Variants in NR3C1 observed in about 807,000 individuals in gnomAD.
The protein encoded by NR3C1 is glucocorticoid receptor.
In NR3C1, 14 loss-of-function variants were observed where a neutral mutation model predicts 74.0. The observed-to-expected ratio is 0.19, with a 90% CI of 0.12 to 0.30. The LOEUF (loss-of-function observed/expected upper bound fraction) is 0.30. NR3C1 is among the 10% of genes least tolerant of loss of function. The pLI is 1.00. For missense variants in NR3C1, 695 were observed against 909.8 expected (o/e 0.76, Z 3.04); for synonymous variants, 308 against 332.5 (o/e 0.93, Z 0.80).
chr5:143,329,942 A>T (rs1162162613), intron 2 of NR3C1, among the ~76,000 whole-genome samples: 1 of 152,216 alleles, frequency 6.6e-6, no homozygotes, highest in Non-Finnish European at 1.5e-5. Flanking sequence ...GGTGCTGCAT[A>T]TAATGTATAT....
At chr5:143,288,068 T>A (rs1814910942) in intron 7 of NR3C1, among the ~76,000 whole-genome samples, 1 of 152,034 alleles carries the variant, frequency 6.6e-6, no homozygotes, top group African/African-American at 2.4e-5. Flanking sequence ...GATTTGATGG[T>A]CTCCCCACTC....
At chr5:143,335,305 G>T (rs1335866555) in intron 2 of NR3C1, among the ~76,000 whole-genome samples, 1 of 152,106 alleles carries the variant, frequency 6.6e-6, no homozygotes, top group Non-Finnish European at 1.5e-5. Context: ...TAACCATAAA[G>T]CCCAACTCAT....
At chr5:143,346,188 A>G (rs369970009) in intron 2 of NR3C1, among the ~76,000 whole-genome samples, 4 of 152,378 alleles carry the variant, frequency 2.6e-5, no homozygotes, top group African/African-American at 9.6e-5. Flanking sequence ...TTGAGATGAT[A>G]TCTACTTGCT....
chr5:143,332,800 T>C lies in NR3C1; in HGVS notation c.1185-18632A>G. On this transcript the variant is annotated intron_variant, in intron 2 of 8. Coordinates refer to ENST00000394464, the MANE Select transcript of NR3C1 (RefSeq NM_000176.3). Reference sequence around the variant, plus strand: ...ATCGAAAGGATTGATGGCGTGAGTTTACGGGTGCAGAGAACCACTGCAAGA... The same window carrying C: ...ATCGAAAGGATTGATGGCGTGAGTTCACGGGTGCAGAGAACCACTGCAAGA... The C allele has an allele frequency of 3.9e-6, 6 of 1,536,568 alleles. No individual in the cohort carries two copies. In the South Asian group the frequency reaches 6.7e-5, roughly 17 times the overall value.
intron 2 of NR3C1, among the ~76,000 whole-genome samples, chr5:143,345,994 G>A (rs908065558): frequency 3.3e-5 from 5 of 152,270 alleles, no homozygotes; most frequent in African/African-American, 9.6e-5. Context: ...AGAGCTTACT[G>A]TATGTGGATC....
chr5:143,420,724 C>T (rs6894830), intron 1 of NR3C1, among the ~76,000 whole-genome samples: 17,698 of 152,070 alleles, frequency 0.12, 1,277 homozygotes, highest in South Asian at 0.21. Flanking sequence ...AAGAATTACC[C>T]GGCCCAAAAT....
upstream of NR3C1, chr5:143,403,779 T>C (rs1371382741): frequency 2.0e-6 from 2 of 982,354 alleles, no homozygotes; most frequent in Non-Finnish European, 2.4e-6. Flanking sequence ...CGGGGAACGA[T>C]GCAACCTGTT....
intron 7 of NR3C1, among the ~76,000 whole-genome samples, chr5:143,293,289 A>G (rs1816369560): frequency 6.6e-6 from 1 of 152,222 alleles, no homozygotes; most frequent in South Asian, 2.1e-4. Flanking sequence ...TGGGAAACCA[A>G]ATATTGCATG....
At chr5:143,342,149 T>G (rs1436310812) in intron 2 of NR3C1, among the ~76,000 whole-genome samples, 1 of 152,056 alleles carries the variant, frequency 6.6e-6, no homozygotes, top group African/African-American at 2.4e-5. Context: ...ACCAAGAAAC[T>G]ATTACATTTT....
At chr5:143,424,545 A>T (rs936362122) in intron 1 of NR3C1, among the ~76,000 whole-genome samples, 1 of 152,220 alleles carries the variant, frequency 6.6e-6, no homozygotes, top group Admixed American at 6.5e-5. Flanking sequence ...AAAGAAAAAA[A>T]ACCCCTATAT....
intron 6 of NR3C1, among the ~76,000 whole-genome samples, chr5:143,297,075 CAAAAAAAAAAA>C (rs766243522): frequency 3.3e-5 from 2 of 60,634 alleles, no homozygotes; most frequent in South Asian, 1.4e-3. Context: ...AGACTCGTCT[CAAAAAAAAAAA>C]AAAAAAAAAA....
intron 3 of NR3C1, among the ~76,000 whole-genome samples, chr5:143,312,350 T>C (rs1051188638): frequency 3.9e-5 from 6 of 152,176 alleles, no homozygotes; most frequent in African/African-American, 9.7e-5. Flanking sequence ...TTCTGCTGCA[T>C]TGATCACATA....
intron 7 of NR3C1, 47 bp from the exon 8 acceptor site, chr5:143,282,772 CTT>C (rs768775174): frequency 6.9e-7 from 1 of 1,451,334 alleles, no homozygotes; most frequent in African/African-American, 1.5e-5. Context: ...TTTTTCTTTT[CTT>C]TTCTTTTTTT....
intron 2 of NR3C1, among the ~76,000 whole-genome samples, chr5:143,326,600 A>C (rs1388908291): frequency 6.6e-6 from 1 of 152,132 alleles, no homozygotes; most frequent in Non-Finnish European, 1.5e-5. Context: ...CCTTAGAGGA[A>C]CTCTGAAGTA....
chr5:143,399,715 C>A lies in NR3C1; in HGVS notation c.1125G>T (p.Leu375Phe). ...NRCQGSGDDN[L>F]TSLGTLNFPG... Reference sequence around the variant, plus strand: ...GGAAGTTCAGAGTCCCCAGAGAAGTCAAGTTGTCATCTCCAGATCCTTGGC... The same window carrying A: ...GGAAGTTCAGAGTCCCCAGAGAAGTAAAGTTGTCATCTCCAGATCCTTGGC... Residue 375 changes from leucine (L) to phenylalanine (F), a missense_variant, in exon 2 of 9, where the codon TTG becomes TTT. Physicochemically the swap from Leu to Phe is conservative, Grantham distance 22. Transcript: ENST00000394464. 6.2e-7 allele frequency: 1 copy of A among 1,614,006 alleles called. No individual in the cohort carries two copies. Among genetic ancestry groups the A allele is most frequent in the East Asian group, 2.2e-5 (1 of 44,896 alleles).
chr5:143,394,652 C>T (rs184757185), intron 2 of NR3C1, among the ~76,000 whole-genome samples: 1 of 151,814 alleles, frequency 6.6e-6, no homozygotes, highest in Non-Finnish European at 1.5e-5. Context: ...TGCATTTTAT[C>T]CTTTTTTGAT....
rs10482612 is a variant in NR3C1 at position 143,403,416 on chromosome 5, G to T, written c.-219C>A. On this transcript the variant is annotated 5_prime_UTR_variant, in exon 1 of 9. It adds an upstream start codon to the 5' untranslated region. Transcript: ENST00000394464. ...CTCCCATTGCCCAGCTGACAAGCCA[G>T]CCCTCCGCCCCGCGCCGGGCTCCGC... 2.1e-4 allele frequency: 203 copies of T among 982,934 alleles called. 1 individual carries two copies. In the East Asian group the frequency reaches 0.017, roughly 84 times the overall value. 60.9% of individuals were successfully genotyped at this position (982,934 alleles called of 1,614,324 possible).
At chr5:143,304,170 ACT>A (rs1163805033) in intron 4 of NR3C1, among the ~76,000 whole-genome samples, 5 of 152,174 alleles carry the variant, frequency 3.3e-5, no homozygotes, top group African/African-American at 7.2e-5. Flanking sequence ...AACCCTGAAG[ACT>A]CTGTCAAAAG....
At position 143,396,204 on chromosome 5, in the gene NR3C1, C is replaced by A. The variant is rs567876855; in HGVS notation, c.1184+3452G>T. On this transcript the variant is annotated intron_variant, in intron 2 of 8. Transcript: ENST00000394464. ...AGTCATTTCACACTAAAATGACACA[C>A]CTGAATACACAGTGTGTTTTAAAAA... Among the ~76,000 whole-genome samples, 51 of 151,898 alleles carry A rather than the reference C, an allele frequency of 3.4e-4. No individual in the cohort carries two copies. In the South Asian group the frequency reaches 9.7e-3, roughly 29 times the overall value.
Sources: gnomAD v4.1 joint callset for allele counts (sites outside exome capture counted in the v4.1 genomes callset) on GRCh38, gnomAD v4.1.1 for gene constraint, MANE v1.5 for transcripts, NCBI Gene and HGNC (gene_info 2026-07-23, HGNC 2026-07-21) for gene names.